FAT3: variants seen among roughly 807,000 people sequenced by gnomAD.
FAT3 encodes FAT atypical cadherin 3, also known as protocadherin Fat 3.
A neutral mutation model predicts 310.2 loss-of-function variants in FAT3; 95 were observed. The observed-to-expected ratio is 0.31, with a 90% CI of 0.26 to 0.36. The LOEUF (loss-of-function observed/expected upper bound fraction) is 0.36. FAT3 is among the 10% of genes least tolerant of loss of function. The pLI is 1.00. For synonymous variants in FAT3, 2,314 were observed against 2,192.9 expected (o/e 1.06, Z -1.54); for missense variants, 5,408 against 5,715.6 (o/e 0.95, Z 1.74).
chr11:92,553,020 A>G (rs1954876021), intron 3 of FAT3, among the ~76,000 whole-genome samples: 1 of 152,066 alleles, frequency 6.6e-6, no homozygotes, highest in African/African-American at 2.4e-5. Flanking sequence ...ATGGAAGGAA[A>G]TAGAGGAAGA....
Position 92,882,292 on chromosome 11 carries a change from A to G in FAT3, c.12282-446A>G, listed in dbSNP as rs138829730. ...GCCAGCACCAATTTCTGTGAGGGGGAGGAGTATTTTACATAATGTGAAAGA... is the reference window on the plus strand; with the variant it reads ...GCCAGCACCAATTTCTGTGAGGGGGGGGAGTATTTTACATAATGTGAAAGA... On this transcript the variant is annotated intron_variant, in intron 23 of 27. Transcript: ENST00000525166. Among the ~76,000 whole-genome samples, 1,139 of 152,130 alleles carry G rather than the reference A, an allele frequency of 7.5e-3. 16 individuals are homozygous for G. Among genetic ancestry groups the G allele is most frequent in the African/African-American group, 0.026 (1,090 of 41,502 alleles).
chr11:92,275,163 C>T (rs914052683), intron 1 of FAT3, among the ~76,000 whole-genome samples: 3 of 152,124 alleles, frequency 2.0e-5, no homozygotes, highest in African/African-American at 7.2e-5. Context: ...CCATCCATCT[C>T]TTTGTCACGG....
At chr11:92,396,999 G>A (rs1388083655) in intron 2 of FAT3, among the ~76,000 whole-genome samples, 1 of 152,004 alleles carries the variant, frequency 6.6e-6, no homozygotes, top group Non-Finnish European at 1.5e-5. Flanking sequence ...GAGCCACCAC[G>A]CCTTGGCCCT....
chr11:92,360,004 A>G (rs1948838941), intron 2 of FAT3, among the ~76,000 whole-genome samples: 1 of 151,338 alleles, frequency 6.6e-6, no homozygotes, highest in Non-Finnish European at 1.5e-5. Context: ...CAGTAATGGG[A>G]TGGCTGGGTC....
At chr11:92,653,320 C>G (rs1942454984) in intron 3 of FAT3, among the ~76,000 whole-genome samples, 3 of 152,140 alleles carry the variant, frequency 2.0e-5, no homozygotes. Context: ...TTCGTGGAAC[C>G]TACTTCTGTG....
chr11:92,607,592 A>G (rs943956231), intron 3 of FAT3, among the ~76,000 whole-genome samples: 1 of 152,156 alleles, frequency 6.6e-6, no homozygotes, highest in African/African-American at 2.4e-5. Flanking sequence ...TCAGTTGTAA[A>G]ACAAATTAAC....
chr11:92,610,450 C>T (rs1280517505), intron 3 of FAT3, among the ~76,000 whole-genome samples: 1 of 152,122 alleles, frequency 6.6e-6, no homozygotes, highest in Non-Finnish European at 1.5e-5. Context: ...AGCTGTACTC[C>T]TTAAAAACTG....
At chr11:92,506,232 T>G (rs1441536818) in intron 2 of FAT3, among the ~76,000 whole-genome samples, 1 of 152,182 alleles carries the variant, frequency 6.6e-6, no homozygotes, top group African/African-American at 2.4e-5. Context: ...AACTGAAATT[T>G]CACTTCTGTT....
intron 1 of FAT3, among the ~76,000 whole-genome samples, chr11:92,265,481 A>G (rs1374199196): frequency 6.6e-6 from 1 of 151,828 alleles, no homozygotes; most frequent in Non-Finnish European, 1.5e-5. Flanking sequence ...AAATTATACT[A>G]TGGTACTAAG....
At chr11:92,437,163 A>G (rs916929110) in intron 2 of FAT3, among the ~76,000 whole-genome samples, 12 of 152,180 alleles carry the variant, frequency 7.9e-5, no homozygotes, top group Non-Finnish European at 1.6e-4. Flanking sequence ...GCAGGCAGCA[A>G]ATAAACTCTC....
chr11:92,464,319 G>A (rs954036737), intron 2 of FAT3, among the ~76,000 whole-genome samples: 2 of 152,146 alleles, frequency 1.3e-5, no homozygotes, highest in African/African-American at 4.8e-5. Flanking sequence ...AGGTCCCTCT[G>A]GGGGCCCACA....
At chr11:92,466,688 C>T (rs1305294386) in intron 2 of FAT3, among the ~76,000 whole-genome samples, 1 of 149,470 alleles carries the variant, frequency 6.7e-6, no homozygotes, top group South Asian at 2.1e-4. Flanking sequence ...CCCATTAACT[C>T]GTCATTTAGC....
chr11:92,458,670 T>C (rs1408091150), intron 2 of FAT3, among the ~76,000 whole-genome samples: 1 of 152,186 alleles, frequency 6.6e-6, no homozygotes, highest in Non-Finnish European at 1.5e-5. Flanking sequence ...TAGAGATAAA[T>C]GGCTTTTCAC....
chr11:92,618,261 G>A (rs2135655968), intron 3 of FAT3, among the ~76,000 whole-genome samples: 1 of 152,336 alleles, frequency 6.6e-6, no homozygotes, highest in South Asian at 2.1e-4. Context: ...GGCGCCATGG[G>A]TGTAGAACCC....
At chr11:92,306,813 T>C (rs990567157) in intron 1 of FAT3, among the ~76,000 whole-genome samples, 49 of 140,154 alleles carry the variant, frequency 3.5e-4, no homozygotes, top group African/African-American at 1.3e-3. Flanking sequence ...TTGAGATGAG[T>C]CTTGCTCTAT....
At chr11:92,339,423 T>C (rs572198592) in intron 1 of FAT3, among the ~76,000 whole-genome samples, 4 of 152,324 alleles carry the variant, frequency 2.6e-5, no homozygotes, top group Admixed American at 1.3e-4. Flanking sequence ...ACCTACTATG[T>C]GCCCAGTAGT....
At chr11:92,549,715 T>C (rs535619683) in intron 3 of FAT3, among the ~76,000 whole-genome samples, 153 of 152,276 alleles carry the variant, frequency 1.0e-3, no homozygotes, top group African/African-American at 3.3e-3. Flanking sequence ...AAGTTTGTCA[T>C]TGAAGAAATT....
intron 1 of FAT3, among the ~76,000 whole-genome samples, chr11:92,227,995 GA>G (rs749241531): frequency 2.2e-4 from 34 of 151,726 alleles, no homozygotes; most frequent in Admixed American, 1.2e-3. Flanking sequence ...ATTCAATCAT[GA>G]ATCTCAGTTG....
intron 2 of FAT3, among the ~76,000 whole-genome samples, chr11:92,391,837 A>C (rs1949757384): frequency 6.6e-6 from 1 of 152,250 alleles, no homozygotes; most frequent in South Asian, 2.1e-4. Context: ...TTATGGAGTT[A>C]TATTTGGCAC....
Sources: allele counts gnomAD v4.1 joint callset (sites outside exome capture counted in the v4.1 genomes callset), GRCh38; gene constraint gnomAD v4.1.1; transcripts MANE v1.5; gene names NCBI Gene and HGNC (gene_info 2026-07-23, HGNC 2026-07-21).